NBEAL2: variants seen among roughly 807,000 people sequenced by gnomAD.
The protein encoded by NBEAL2 is neurobeachin like 2, also known as neurobeachin-like protein 2.
A neutral mutation model predicts 299.8 loss-of-function variants in NBEAL2; 160 were observed. That is an observed-to-expected ratio of 0.53 (90% CI 0.47 to 0.61). The LOEUF is 0.61. Ranked by LOEUF, NBEAL2 falls within the 20% of genes least tolerant of loss-of-function variation. The pLI is 0.00. For synonymous variants in NBEAL2, 1,493 were observed against 1,542.3 expected (o/e 0.97, Z 0.75); for missense variants, 3,112 against 3,649.0 (o/e 0.85, Z 3.79).
At chr3:46,997,484 G>T (rs371739271) in intron 19 of NBEAL2, 51 bp downstream of exon 19, 4 of 1,594,020 alleles carry the variant, frequency 2.5e-6, no homozygotes, top group Non-Finnish European at 1.7e-6. Flanking sequence ...GGCATGGTAG[G>T]GGGGTGGAAT....
Position 46,988,915 on chromosome 3 carries a change from C to G in NBEAL2, c.214C>G (p.Gln72Glu), listed in dbSNP as rs2035869614. The G allele has an allele frequency of 1.2e-6, 2 of 1,613,092 alleles. No individual in the cohort carries two copies. The highest frequency in any genetic ancestry group is 1.7e-6 in the Non-Finnish European group (2 of 1,179,372). The change falls in exon 3 of 54, where the codon CAG becomes GAG. Residue 72 changes from glutamine to glutamate, a missense_variant. Transcript: ENST00000450053. This position sits in a 1 kb window ranked among gnomAD's most constrained non-coding sequence, Gnocchi z 4.4. ...GCATGTGCTGGCCGAACAGCTGCAC[C>G]AGGCTGACCTGGAGCAAGCCCTCCT... ...ELHVLAEQLH[Q>E]ADLEQALLLL... is the part of the protein sequence containing the mutation.
chr3:47,004,977 C>T lies in NBEAL2; in HGVS notation c.6300C>T (p.Pro2100=), dbSNP rs770497101. The T allele has an allele frequency of 7.5e-6, 12 of 1,606,940 alleles. No homozygotes were observed. The African/African-American group carries it at 1.2e-4, about 16-fold the overall frequency. Residue 2100 remains proline, a synonymous_variant, in exon 39 of 54, where the codon CCC becomes CCT. Coordinates refer to ENST00000450053, the MANE Select transcript of NBEAL2 (RefSeq NM_015175.3). The surrounding 1 kb of genome is among the most constrained non-coding windows in gnomAD (Gnocchi z 5.0). ...YNDLSQYPVF[P]WVLQDYVSPT... is the part of the protein sequence containing the mutation. ...CTGCTCGGGTGGGTGGCCAGTTCCC[C>T]TGGGTCCTGCAGGACTACGTGTCCC...
Position 46,989,483 on chromosome 3 carries a change from C to G in NBEAL2, c.474-28C>G, listed in dbSNP as rs749891226. 1 of 1,575,040 alleles carries G rather than the reference C, an allele frequency of 6.3e-7. No homozygotes were observed. The highest frequency in any genetic ancestry group is 8.6e-7 in the Non-Finnish European group (1 of 1,160,590). Reference sequence around the variant, plus strand: ...ACGGCCAGGAGTGGTGAGAGCCGGGCTGATGTACTTGGCCTCACTGCCCCC... The same window carrying G: ...ACGGCCAGGAGTGGTGAGAGCCGGGGTGATGTACTTGGCCTCACTGCCCCC... On this transcript the variant is annotated intron_variant, in intron 5 of 53. Transcript: ENST00000450053. The surrounding 1 kb of genome is among the most constrained non-coding windows in gnomAD (Gnocchi z 5.5).
rs1293107372 is a variant in NBEAL2 at position 47,008,525 on chromosome 3, C to A, written c.7884C>A (p.Thr2628=). Residue 2628 remains threonine (T), a synonymous_variant, in exon 52 of 54, where the codon ACC becomes ACA. Transcript: ENST00000450053. ...SAWERPGAQV[T]YSLHLYSVNG... The stretch of plus-strand genomic sequence containing the variant: ...ACACTCCCTGCTTCCTCCAGGTCAC[C>A]TACTCCTTGCACCTGTATTCAGTCA... 1 of 1,613,018 alleles carries A rather than the reference C, an allele frequency of 6.2e-7. No homozygotes were observed. Among genetic ancestry groups the A allele is most frequent in the Non-Finnish European group, 8.5e-7 (1 of 1,179,238 alleles).
Position 47,004,114 on chromosome 3 carries a change from G to A in NBEAL2, c.5919G>A (p.Leu1973=). The part of the protein sequence containing the change: ...GYDFRRPLAQ[L]REVHLRRFNL... Reference sequence around the variant, plus strand: ...ATTTCCGGCGCCCACTGGCCCAGCTGCGTGAGGTCCACCTGCGGCGTTTCA... The same window carrying A: ...ATTTCCGGCGCCCACTGGCCCAGCTACGTGAGGTCCACCTGCGGCGTTTCA... The change falls in exon 37 of 54, where the codon CTG becomes CTA. Residue 1973 remains leucine, a synonymous_variant. Transcript: ENST00000450053. The surrounding 1 kb of genome is among the most constrained non-coding windows in gnomAD (Gnocchi z 5.0). 6.2e-7 allele frequency: 1 copy of A among 1,613,438 alleles called. No individual in the cohort carries two copies. Among genetic ancestry groups the A allele is most frequent in the Non-Finnish European group, 8.5e-7 (1 of 1,179,632 alleles).
At chr3:46,981,310 GGT>G (rs2035317253) in intron 1 of NBEAL2, among the ~76,000 whole-genome samples, 1 of 151,966 alleles carries the variant, frequency 6.6e-6, no homozygotes, top group Non-Finnish European at 1.5e-5. Flanking sequence ...GGCGTGGTGG[GGT>G]GTGCCTGTAA....
chr3:46,995,054 T>C lies in NBEAL2; in HGVS notation c.1319T>C (p.Met440Thr). The change falls in exon 13 of 54, where the codon ATG becomes ACG. Residue 440 changes from methionine (M) to threonine (T), a missense_variant. Coordinates refer to ENST00000450053, the MANE Select transcript of NBEAL2 (RefSeq NM_015175.3). ...CAGGCTGTGGAGGGTGACCACAGCA[T>C]GTGCCCACCTCCACCAATCCGCAAC... ...LNMAVEGDHS[M>T]CPPPPIRNEQ... 6.4e-7 allele frequency: 1 copy of C among 1,551,852 alleles called. No individual in the cohort carries two copies. The highest frequency in any genetic ancestry group is 8.7e-7 in the Non-Finnish European group (1 of 1,143,520).
At chr3:46,990,909 G>T (rs2036034312) in intron 6 of NBEAL2, among the ~76,000 whole-genome samples, 1 of 152,182 alleles carries the variant, frequency 6.6e-6, no homozygotes, top group Non-Finnish European at 1.5e-5. Context: ...AAGTGGAAGG[G>T]TATGTGCTCA....
rs1024441740 is a variant in NBEAL2, at chr3:46,996,770, C to T, written c.2493C>T (p.Pro831=). 10 of 1,612,412 alleles carry T rather than the reference C, an allele frequency of 6.2e-6. No homozygotes were observed. The highest frequency in any genetic ancestry group is 1.6e-4 in the Middle Eastern group (1 of 6,078). Residue 831 remains proline, a synonymous_variant, in exon 17 of 54, where the codon CCC becomes CCT. Coordinates refer to ENST00000450053, the MANE Select transcript of NBEAL2 (RefSeq NM_015175.3). ...TCCCAGGGCCCAATGAGACGGCACCCTTCAAGCCTGAGGGGGAGCTGCATG... is the reference window on the plus strand; with the variant it reads ...TCCCAGGGCCCAATGAGACGGCACCTTTCAAGCCTGAGGGGGAGCTGCATG... ...LCTLGPNETA[P]FKPEGELHEL...
At position 47,001,575 on chromosome 3, in the gene NBEAL2, T is replaced by TG; in HGVS notation, c.4645-113dup. The TG allele has an allele frequency of 2.2e-5, 35 of 1,565,738 alleles. No individual in the cohort carries two copies. Among genetic ancestry groups the TG allele is most frequent in the Non-Finnish European group, 3.0e-5 (35 of 1,153,706 alleles). ...GCATGAATGCCTGTGAGTGTGGACT[T>TG]GCCTGTGTGCACAAACCCTACCTGG... is the stretch of plus-strand genomic sequence containing the variant. On this transcript the variant is annotated intron_variant, in intron 29 of 53. Coordinates refer to ENST00000450053, the MANE Select transcript of NBEAL2 (RefSeq NM_015175.3). The surrounding 1 kb of genome is among the most constrained non-coding windows in gnomAD (Gnocchi z 6.1).
At position 47,003,298 on chromosome 3, in the gene NBEAL2, G is replaced by A; in HGVS notation, c.5709G>A (p.Glu1903=). 6.2e-7 allele frequency: 1 copy of A among 1,612,650 alleles called. No individual in the cohort carries two copies. The highest frequency in any genetic ancestry group is 1.3e-5 in the African/African-American group (1 of 75,020). The change falls in exon 35 of 54, where the codon GAG becomes GAA. Residue 1903 remains glutamate, a synonymous_variant. Transcript: ENST00000450053. This position sits in a 1 kb window ranked among gnomAD's most constrained non-coding sequence, Gnocchi z 7.0. ...EDQLGEDELA[E]LETPMEAAEL... ...AGCTCGGCGAGGACGAGCTGGCTGA[G>A]CTGGAGACCCCGTGAGTGGGGCCCT... is the stretch of plus-strand genomic sequence containing the variant.
Position 46,999,620 on chromosome 3 carries a change from A to T in NBEAL2, c.3704-10A>T, listed in dbSNP as rs766412178. 1.2e-6 allele frequency: 2 copies of T among 1,606,180 alleles called. No individual in the cohort carries two copies. The highest frequency in any genetic ancestry group is 1.8e-4 in the Middle Eastern group (1 of 5,680). On this transcript the variant is annotated splice_polypyrimidine_tract_variant and intron_variant, in intron 25 of 53. Transcript: ENST00000450053. ...TCAGTCCCTCAGGTCCCCCCAACCC[A>T]TCCCCCCAGATTGCCTGAACCTCTC...
chr3:46,983,034 G>C (rs930998087), intron 1 of NBEAL2, among the ~76,000 whole-genome samples: 33 of 152,170 alleles, frequency 2.2e-4, no homozygotes, highest in Non-Finnish European at 3.5e-4. Flanking sequence ...AGTGAATGGG[G>C]TCACAGAGTG....
chr3:46,995,152 C>G lies in NBEAL2; in HGVS notation c.1417C>G (p.Gln473Glu). Residue 473 changes from glutamine (Q) to glutamate (E), a missense_variant, in exon 13 of 54, where the codon CAA (glutamine) becomes GAA (glutamate). Gln to Glu is a conservative substitution (Grantham distance 29). Transcript: ENST00000450053. Reference protein sequence around the residue: ...PTAELRLFLAQRLRWLCDSCP... With the variant: ...PTAELRLFLAERLRWLCDSCP... ...CGCTGAGCTGCGGCTCTTCCTAGCG[C>G]AACGCCTCAGGTGGCTCTGTGACAG... 5.7e-6 allele frequency: 9 copies of G among 1,573,408 alleles called. No homozygotes were observed. The highest frequency in any genetic ancestry group is 7.8e-6 in the Non-Finnish European group (9 of 1,159,882).
At position 47,000,885 on chromosome 3, in the gene NBEAL2, T is replaced by A; in HGVS notation, c.4306-116T>A. On this transcript the variant is annotated intron_variant, in intron 27 of 53. Transcript: ENST00000450053. This position sits in a 1 kb window ranked among gnomAD's most constrained non-coding sequence, Gnocchi z 4.5. Reference sequence around the variant, plus strand: ...CAGGCTCACTGTTAGCCAAATGCTCTGACTCCTGGGTGGCTACCCCAGGAG... The same window carrying A: ...CAGGCTCACTGTTAGCCAAATGCTCAGACTCCTGGGTGGCTACCCCAGGAG... 6.9e-7 allele frequency: 1 copy of A among 1,445,588 alleles called. No individual in the cohort carries two copies. The highest frequency in any genetic ancestry group is 9.4e-7 in the Non-Finnish European group (1 of 1,066,168). The allele number at this position is 1,445,588 out of a possible 1,614,324, so 89.5% of individuals were successfully genotyped here. A position where few individuals can be genotyped will look rare whatever the true frequency, so the allele number is the denominator to read the frequency against.
chr3:46,984,150 A>AATAC lies in NBEAL2; in HGVS notation c.51+4239_51+4240insTACA, dbSNP rs772822373. On this transcript the variant is annotated intron_variant, in intron 1 of 53. Coordinates refer to ENST00000450053, the MANE Select transcript of NBEAL2 (RefSeq NM_015175.3). The stretch of plus-strand genomic sequence containing the variant: ...CCCATCTCTACTAAAAAAAAAAAAA[A>AATAC]AAAAAATTAGCCAGGCGTGATGGCG... Among the ~76,000 whole-genome samples the AATAC allele has an allele frequency of 4.7e-3, 686 of 146,806 alleles. 24 individuals are homozygous for AATAC. The highest frequency in any genetic ancestry group is 0.011 in the South Asian group (51 of 4,680).
rs755586887 is a variant in NBEAL2 at position 46,997,405 on chromosome 3, C to T, written c.2796C>T (p.Gly932=). 3.7e-6 allele frequency: 6 copies of T among 1,610,816 alleles called. No homozygotes were observed. Among genetic ancestry groups the T allele is most frequent in the Middle Eastern group, 1.7e-4 (1 of 6,060 alleles). The part of the protein sequence containing the change: ...PELTSGHNTQ[G]LVLPLGKSSE... ...TGACCTCTGGTCACAACACCCAGGG[C>T]CTGGTTCTCCCATTGGGTAAATCTT... Residue 932 remains glycine (G), a synonymous_variant, in exon 19 of 54, where the codon GGC becomes GGT. Coordinates refer to ENST00000450053, the MANE Select transcript of NBEAL2 (RefSeq NM_015175.3).
rs763961079 is a variant in NBEAL2 at position 46,988,780 on chromosome 3, G to A, written c.140+23G>A. 5.6e-6 allele frequency: 9 copies of A among 1,609,600 alleles called. No individual in the cohort carries two copies. Among genetic ancestry groups the A allele is most frequent in the East Asian group, 2.2e-5 (1 of 44,728 alleles). On this transcript the variant is annotated intron_variant, in intron 2 of 53. Transcript: ENST00000450053. The surrounding 1 kb of genome is among the most constrained non-coding windows in gnomAD (Gnocchi z 4.4). ...AAGGTGAGGCTGGATCTGCACTGAG[G>A]GCAGGGACAGAGCAGGGAGATTGAG...
rs201147380 is a variant in NBEAL2, at chr3:47,003,163, G to A, written c.5585-11G>A. The A allele has an allele frequency of 4.4e-6, 7 of 1,605,222 alleles. No individual in the cohort carries two copies. Among genetic ancestry groups the A allele is most frequent in the Non-Finnish European group, 6.0e-6 (7 of 1,173,962 alleles). On this transcript the variant is annotated splice_polypyrimidine_tract_variant and intron_variant, in intron 34 of 53. Coordinates refer to ENST00000450053, the MANE Select transcript of NBEAL2 (RefSeq NM_015175.3). This position sits in a 1 kb window ranked among gnomAD's most constrained non-coding sequence, Gnocchi z 7.0. ...GCCTTGCTTCTGCTGAGTACCCTTG[G>A]CCCCTTGCAGGTGAGGTTCCCCTGA...
Sources: gnomAD v4.1 joint callset for allele counts (sites outside exome capture counted in the v4.1 genomes callset) on GRCh38, gnomAD v4.1.1 for gene constraint, Gnocchi (gnomAD v3.1) non-coding constraint, MANE v1.5 for transcripts, NCBI Gene and HGNC (gene_info 2026-07-23, HGNC 2026-07-21) for gene names.